Variants in RBFOX1 observed in about 807,000 individuals in gnomAD.
RBFOX1 encodes the protein RNA binding fox-1 homolog 1.
A neutral mutation model predicts 57.7 loss-of-function variants in RBFOX1; 8 were observed. The ratio of observed to expected loss-of-function variants is 0.14; its 90% CI spans 0.08 to 0.25. RBFOX1 has a LOEUF of 0.25. RBFOX1 is among the 10% of genes least tolerant of loss of function. RBFOX1 has a pLI of 1.00. For synonymous variants in RBFOX1, 326 were observed against 222.4 expected (o/e 1.47, Z -4.15); for missense variants, 611 against 548.5 (o/e 1.11, Z -1.14).
chr16:6,179,059 C>T (rs563535526), intron 1 of RBFOX1, among the ~76,000 whole-genome samples: 1 of 152,160 alleles, frequency 6.6e-6, no homozygotes, highest in Non-Finnish European at 1.5e-5. Context: ...GGTGAGACAT[C>T]TTGATAAGGT....
At chr16:6,976,528 C>T (rs1181006669) in intron 3 of RBFOX1, among the ~76,000 whole-genome samples, 5 of 151,912 alleles carry the variant, frequency 3.3e-5, no homozygotes, top group East Asian at 1.9e-4. Flanking sequence ...GGTGAGTCCA[C>T]GGTGCAAACT....
chr16:7,106,114 C>T (rs556333666), intron 4 of RBFOX1, among the ~76,000 whole-genome samples: 1 of 152,290 alleles, frequency 6.6e-6, no homozygotes, highest in Admixed American at 6.5e-5. Flanking sequence ...TCCTTTGAAA[C>T]TCCTTTACCG....
intron 4 of RBFOX1, among the ~76,000 whole-genome samples, chr16:7,097,478 G>A (rs2061900459): frequency 6.6e-6 from 1 of 152,284 alleles, no homozygotes; most frequent in African/African-American, 2.4e-5. Flanking sequence ...AGGACAGTAA[G>A]AGAGTGAGTG....
chr16:6,827,537 C>T (rs960627244), intron 3 of RBFOX1, among the ~76,000 whole-genome samples: 3 of 152,138 alleles, frequency 2.0e-5, no homozygotes, highest in African/African-American at 7.2e-5. Context: ...GACCATGTCA[C>T]TCCTCTGTTC....
At chr16:6,807,043 A>C (rs1367869144) in intron 3 of RBFOX1, among the ~76,000 whole-genome samples, 3 of 151,632 alleles carry the variant, frequency 2.0e-5, no homozygotes, top group African/African-American at 7.3e-5. Flanking sequence ...CATGATTGCC[A>C]GGCTGGTCTT....
chr16:6,610,672 C>A (rs556003471), intron 2 of RBFOX1, among the ~76,000 whole-genome samples: 7 of 152,312 alleles, frequency 4.6e-5, no homozygotes, highest in African/African-American at 1.7e-4. Flanking sequence ...AGGTGAGCTT[C>A]ATATATGTGA....
intron 3 of RBFOX1, among the ~76,000 whole-genome samples, chr16:6,905,135 G>C (rs144343249): frequency 3.9e-5 from 6 of 152,050 alleles, no homozygotes; most frequent in African/African-American, 1.4e-4. Flanking sequence ...TGCAGCATTA[G>C]CATTTTACAG....
intron 2 of RBFOX1, among the ~76,000 whole-genome samples, chr16:5,533,668 G>T (rs1303933996): frequency 6.6e-6 from 1 of 152,116 alleles, no homozygotes; most frequent in African/African-American, 2.4e-5. Flanking sequence ...GGTTCTCAAG[G>T]ATCCTAATTC....
At chr16:7,697,171 C>T (rs140654132) in intron 14 of RBFOX1, among the ~76,000 whole-genome samples, 1 of 152,222 alleles carries the variant, frequency 6.6e-6, no homozygotes, top group Non-Finnish European at 1.5e-5. Context: ...ATGGGGGGGC[C>T]CTTACAGCTG....
chr16:6,293,496 G>T (rs1290145850), intron 1 of RBFOX1, among the ~76,000 whole-genome samples: 1 of 152,140 alleles, frequency 6.6e-6, no homozygotes, highest in African/African-American at 2.4e-5. Flanking sequence ...CAGGTCCTTG[G>T]ATAAGCTCTT....
chr16:7,417,348 G>A (rs560735032), intron 4 of RBFOX1, among the ~76,000 whole-genome samples: 1 of 137,764 alleles, frequency 7.3e-6, no homozygotes, highest in African/African-American at 2.7e-5. Context: ...ATTCCAGCCT[G>A]GGCAACAGAG....
chr16:5,712,557 G>A (rs1463385240), intron 3 of RBFOX1, among the ~76,000 whole-genome samples: 1 of 152,146 alleles, frequency 6.6e-6, no homozygotes, highest in African/African-American at 2.4e-5. Context: ...GTGTTCTAGG[G>A]GCTTTTCATC....
intron 3 of RBFOX1, among the ~76,000 whole-genome samples, chr16:5,697,311 C>T (rs1249972259): frequency 3.3e-5 from 5 of 151,632 alleles, no homozygotes; most frequent in African/African-American, 7.3e-5. Flanking sequence ...AAAGCATATA[C>T]ATCTCTATAT....
intron 2 of RBFOX1, among the ~76,000 whole-genome samples, chr16:6,610,333 AT>A (rs1394816673): frequency 6.6e-6 from 1 of 152,040 alleles, no homozygotes; most frequent in Non-Finnish European, 1.5e-5. Flanking sequence ...TGACATTCTT[AT>A]TTTTTTAGAG....
chr16:7,421,709 G>T (rs2149371180), intron 4 of RBFOX1, among the ~76,000 whole-genome samples: 1 of 152,352 alleles, frequency 6.6e-6, no homozygotes, highest in African/African-American at 2.4e-5. Flanking sequence ...CCAAAGGGCA[G>T]TCATAGAAAT....
At chr16:7,108,825 C>T (rs57957158) in intron 4 of RBFOX1, among the ~76,000 whole-genome samples, 3 of 152,248 alleles carry the variant, frequency 2.0e-5, no homozygotes, top group Non-Finnish European at 2.9e-5. Flanking sequence ...CCTAAATCCC[C>T]GTCAAGGATG....
chr16:6,859,565 T>A (rs2058645915), intron 3 of RBFOX1, among the ~76,000 whole-genome samples: 2 of 152,030 alleles, frequency 1.3e-5, no homozygotes, highest in Non-Finnish European at 2.9e-5. Context: ...GAAATCTGAA[T>A]TTAGATGAGC....
intron 1 of RBFOX1, chr16:6,090,262 G>T (rs1199368053): frequency 2.0e-5 from 3 of 152,056 alleles, no homozygotes; most frequent in Non-Finnish European, 2.9e-5. Context: ...CTATTTTGAG[G>T]TCAGATGATT....
intron 4 of RBFOX1, among the ~76,000 whole-genome samples, chr16:7,317,502 C>G (rs1224123582): frequency 1.3e-5 from 2 of 152,150 alleles, no homozygotes; most frequent in African/African-American, 4.8e-5. Flanking sequence ...AGGACCATCA[C>G]CATCACGAAG....
Sources: allele counts gnomAD v4.1 joint callset (sites outside exome capture counted in the v4.1 genomes callset), GRCh38; gene constraint gnomAD v4.1.1; transcripts MANE v1.5; gene names NCBI Gene and HGNC (gene_info 2026-07-23, HGNC 2026-07-21).